The following RCL1 variants were observed in gnomAD, a reference collection of about 807,000 sequenced individuals.
RCL1 encodes RNA 3'-terminal phosphate cyclase-like protein.
A neutral mutation model predicts 42.4 loss-of-function variants in RCL1; 24 were observed. That is an observed-to-expected ratio of 0.57 (90% confidence interval 0.41 to 0.80). RCL1 has a LOEUF of 0.80. Among genes scored for constraint, RCL1 ranks in the 30% least tolerant of loss-of-function variants. The probability of loss-of-function intolerance (pLI) is 0.00; values close to 1 mark genes in which losing one functional copy is unlikely to be tolerated. For missense variants in RCL1, 578 were observed against 467.9 expected (o/e 1.24, Z -2.17); for synonymous variants, 228 against 177.3 (o/e 1.29, Z -2.27).
chr9:4,856,572 G>A (rs1357154901), intron 8 of RCL1, among the ~76,000 whole-genome samples: 2 of 152,162 alleles, frequency 1.3e-5, no homozygotes, highest in South Asian at 2.1e-4. Flanking sequence ...TAATGATGGG[G>A]AAGGGGACAG....
At chr9:4,820,199 C>T (rs1012487578) in intron 1 of RCL1, among the ~76,000 whole-genome samples, 1 of 152,136 alleles carries the variant, frequency 6.6e-6, no homozygotes, top group African/African-American at 2.4e-5. Context: ...AATCTTGTAG[C>T]CCCAGGAGCA....
At chr9:4,806,488 G>A (rs1287440729) in intron 1 of RCL1, among the ~76,000 whole-genome samples, 1 of 151,958 alleles carries the variant, frequency 6.6e-6, no homozygotes, top group East Asian at 1.9e-4. Context: ...ATGTGACCAT[G>A]TGATTTTTCT....
chr9:4,827,300 C>T (rs1349250722), intron 3 of RCL1: 1 of 1,196,920 alleles, frequency 8.4e-7, no homozygotes, highest in East Asian at 2.6e-5. Context: ...TCCGTCTCAT[C>T]ATAGTTGACA....
chr9:4,793,825 G>C (rs986040817), intron 1 of RCL1, among the ~76,000 whole-genome samples: 1 of 152,244 alleles, frequency 6.6e-6, no homozygotes, highest in Admixed American at 6.5e-5. Flanking sequence ...GCGCAGGACA[G>C]GAGCTTTGAG....
chr9:4,841,997 T>C (rs1563851887), intron 6 of RCL1, among the ~76,000 whole-genome samples: 2 of 152,184 alleles, frequency 1.3e-5, no homozygotes, highest in Non-Finnish European at 1.5e-5. Flanking sequence ...TTTCTTAAAA[T>C]AGGAAAGTGT....
intron 1 of RCL1, among the ~76,000 whole-genome samples, chr9:4,801,904 G>C (rs932557451): frequency 6.6e-6 from 1 of 151,214 alleles, no homozygotes; most frequent in Non-Finnish European, 1.5e-5. Flanking sequence ...TTGCCAACAC[G>C]ACACAGTCTT....
In RCL1 at chr9:4,797,503, G is replaced by A. The variant is rs10974790; in HGVS notation, c.136+4276G>A. Among the ~76,000 whole-genome samples the A allele has an allele frequency of 5.3e-5, 8 of 152,288 alleles. No homozygotes were observed. In the East Asian group the frequency reaches 1.5e-3, roughly 29 times the overall value. On this transcript the variant is annotated intron_variant, in intron 1 of 8. Transcript: ENST00000381750. ...TTTGTTCAGTGGGGGACATTTGGGA[G>A]CATTTGGAGACATTTTTGGTTGTCA...
chr9:4,832,870 T>C (rs893814753), intron 3 of RCL1, among the ~76,000 whole-genome samples: 13 of 148,610 alleles, frequency 8.7e-5, no homozygotes, highest in African/African-American at 3.0e-4. Flanking sequence ...GTCCAGTCTC[T>C]CCATGCTTTT....
intron 5 of RCL1, chr9:4,836,621 C>G (rs10974807): frequency 1.3e-5 from 2 of 149,532 alleles, no homozygotes; most frequent in African/African-American, 2.5e-5. Context: ...ACAAGGAGGG[C>G]AGACCAGAAA....
At chr9:4,806,582 T>A (rs1815976781) in intron 1 of RCL1, among the ~76,000 whole-genome samples, 2 of 117,722 alleles carry the variant, frequency 1.7e-5, no homozygotes, top group East Asian at 2.5e-4. Context: ...AGATTCTACT[T>A]GATCTACACA....
intron 1 of RCL1, among the ~76,000 whole-genome samples, chr9:4,797,109 C>G (rs1451754927): frequency 6.6e-6 from 1 of 152,152 alleles, no homozygotes; most frequent in Non-Finnish European, 1.5e-5. Flanking sequence ...GCTATTAGCT[C>G]TTGGTCCTTG....
chr9:4,806,465 T>A (rs1233079468), intron 1 of RCL1, among the ~76,000 whole-genome samples: 1 of 152,184 alleles, frequency 6.6e-6, no homozygotes, highest in Non-Finnish European at 1.5e-5. Flanking sequence ...CAATGCTTTT[T>A]CTGCACCAGT....
intron 2 of RCL1, among the ~76,000 whole-genome samples, chr9:4,825,171 C>T (rs1262544171): frequency 6.6e-6 from 1 of 151,902 alleles, no homozygotes; most frequent in Non-Finnish European, 1.5e-5. Context: ...GCATGAGCCA[C>T]AGTGCGTGGC....
At chr9:4,819,770 G>A (rs962617539) in intron 1 of RCL1, among the ~76,000 whole-genome samples, 1 of 152,214 alleles carries the variant, frequency 6.6e-6, no homozygotes, top group Non-Finnish European at 1.5e-5. Context: ...TCGCGCCACT[G>A]CACTCCAGCC....
intron 8 of RCL1, among the ~76,000 whole-genome samples, chr9:4,858,747 G>C (rs902547029): frequency 1.4e-4 from 14 of 100,808 alleles, no homozygotes; most frequent in Admixed American, 1.4e-3. Flanking sequence ...ATGTGCAGTC[G>C]AGATTGAGAA....
chr9:4,817,357 A>G (rs1429503804), intron 1 of RCL1, among the ~76,000 whole-genome samples: 1 of 151,406 alleles, frequency 6.6e-6, no homozygotes, highest in Admixed American at 6.6e-5. Context: ...TTAATTAATT[A>G]TATGTTTTTT....
intron 4 of RCL1, 51 bp from the exon 5 acceptor site, chr9:4,834,090 A>C: frequency 6.3e-7 from 1 of 1,588,736 alleles, no homozygotes; most frequent in African/African-American, 1.3e-5. Context: ...GTGTCAGGGT[A>C]ATCCATTGCT....
chr9:4,833,587 A>G (rs1370523229), intron 4 of RCL1, among the ~76,000 whole-genome samples: 1 of 152,172 alleles, frequency 6.6e-6, no homozygotes, highest in African/African-American at 2.4e-5. Context: ...ATCTGGATAT[A>G]ATTTATGTTC....
chr9:4,827,340 G>C, intron 3 of RCL1: 3 of 1,110,458 alleles, frequency 2.7e-6, no homozygotes, highest in Non-Finnish European at 3.7e-6. Context: ...CTGTATATGT[G>C]AGAGTGGAGT....
Sources: gnomAD v4.1 joint callset for allele counts (sites outside exome capture counted in the v4.1 genomes callset) on GRCh38, gnomAD v4.1.1 for gene constraint, MANE v1.5 for transcripts, NCBI Gene and HGNC (gene_info 2026-07-23, HGNC 2026-07-21) for gene names.